BNC2: variants seen among roughly 807,000 people sequenced by gnomAD.
The protein encoded by BNC2 is basonuclin zinc finger protein 2, also known as zinc finger protein basonuclin-2.
BNC2 carries 20 observed loss-of-function variants against 76.3 expected under a neutral mutation model. That is an observed-to-expected ratio of 0.26 (90% confidence interval 0.18 to 0.38). BNC2 has a LOEUF of 0.38. BNC2 is among the 10% of genes least tolerant of loss of function. The probability of loss-of-function intolerance (pLI) is 1.00; values close to 1 mark genes in which losing one functional copy is unlikely to be tolerated. For synonymous variants in BNC2, 582 were observed against 514.8 expected (o/e 1.13, Z -1.77); for missense variants, 1,382 against 1,399.8 (o/e 0.99, Z 0.20).
intron 6 of BNC2, among the ~76,000 whole-genome samples, chr9:16,426,906 T>C (rs1275954140): frequency 6.6e-6 from 1 of 152,172 alleles, no homozygotes; most frequent in Non-Finnish European, 1.5e-5. Flanking sequence ...ACCACTAATC[T>C]TGTGGGATTT....
rs1264806010 is a variant in BNC2 at position 16,464,612 on chromosome 9, C to A, written c.670-27088G>T. The stretch of plus-strand genomic sequence containing the variant: ...AAACATATCTACTTTCCTTTCTTCT[C>A]AGAATATTTTGAAAGAACAGTCTTT... On this transcript the variant is annotated intron_variant, in intron 5 of 6. Transcript: ENST00000380672. Among the ~76,000 whole-genome samples, 5 of 152,174 alleles carry A rather than the reference C, an allele frequency of 3.3e-5. No individual in the cohort carries two copies. In the East Asian group the frequency reaches 7.7e-4, roughly 24 times the overall value.
Position 16,452,070 on chromosome 9 carries a change from T to C in BNC2, c.670-14546A>G, listed in dbSNP as rs149744416. Among the ~76,000 whole-genome samples, 108 of 152,324 alleles carry C rather than the reference T, an allele frequency of 7.1e-4. 1 individual carries two copies. Among genetic ancestry groups the C allele is most frequent in the Non-Finnish European group, 1.4e-3 (94 of 68,032 alleles). On this transcript the variant is annotated intron_variant, in intron 5 of 6. Coordinates refer to ENST00000380672, the MANE Select transcript of BNC2 (RefSeq NM_017637.6). ...TGCTTTTCCTAAAAATGTAAACTAG[T>C]TCCCCAGGACCAATGGTGCAGGGAG...
chr9:16,760,878 T>TA (rs1190766307), intron 1 of BNC2, among the ~76,000 whole-genome samples: 1 of 151,882 alleles, frequency 6.6e-6, no homozygotes, highest in Non-Finnish European at 1.5e-5. Flanking sequence ...AGCATTTCTT[T>TA]AAAAAAAGAA....
intron 1 of BNC2, among the ~76,000 whole-genome samples, chr9:16,836,575 G>A (rs34615158): frequency 0.36 from 53,983 of 150,926 alleles, 10,150 homozygotes; most frequent in Middle Eastern, 0.5. Context: ...ATGTCTCCTT[G>A]ATTCTTATTA....
chr9:16,509,114 C>T (rs894616432), intron 5 of BNC2, among the ~76,000 whole-genome samples: 2 of 152,170 alleles, frequency 1.3e-5, no homozygotes, highest in African/African-American at 4.8e-5. Context: ...CCGTAAGCCA[C>T]CATGTTCAGC....
intron 1 of BNC2, among the ~76,000 whole-genome samples, chr9:16,756,258 G>C (rs10810610): frequency 0.14 from 21,406 of 151,632 alleles, 2,096 homozygotes; most frequent in African/African-American, 0.25. Flanking sequence ...CTCTCTCTTC[G>C]CTGTGGATAA....
intron 5 of BNC2, among the ~76,000 whole-genome samples, chr9:16,443,805 A>C (rs1821177437): frequency 6.6e-6 from 1 of 152,216 alleles, no homozygotes. Flanking sequence ...GATTATGGGA[A>C]CATAAAGTGG....
chr9:16,539,710 GGAA>G (rs1226162438), intron 5 of BNC2, among the ~76,000 whole-genome samples: 1,986 of 132,580 alleles, frequency 0.015, 227 homozygotes, highest in African/African-American at 0.058. Context: ...AAGGGAGGAA[GGAA>G]GGAAGGGGAA....
Position 16,419,045 on chromosome 9 carries a change from G to C in BNC2, c.3244C>G (p.Arg1082Gly). 6.2e-7 allele frequency: 1 copy of C among 1,614,178 alleles called. No homozygotes were observed. Among genetic ancestry groups the C allele is most frequent in the Non-Finnish European group, 8.5e-7 (1 of 1,180,036 alleles). Residue 1082 changes from arginine (R) to glycine (G), a missense_variant, in exon 7 of 7, where the codon CGG (arginine) becomes GGG (glycine). Transcript: ENST00000380672. ...TGGAGATTAGGGTTCTGACTGTGCC[G>C]ATTTCGGCTTCGTACAGAGGAAAAC... ...MMFSSVRSRN[R>G]HSQNPNLHKN...
chr9:16,610,063 C>G (rs1288724295), intron 3 of BNC2, among the ~76,000 whole-genome samples: 1 of 152,030 alleles, frequency 6.6e-6, no homozygotes, highest in East Asian at 1.9e-4. Context: ...ACCATTATTT[C>G]CACAAATTCT....
intron 5 of BNC2, among the ~76,000 whole-genome samples, chr9:16,537,055 A>T (rs1304655631): frequency 6.6e-6 from 1 of 152,136 alleles, no homozygotes; most frequent in African/African-American, 2.4e-5. Flanking sequence ...TATATGGCAT[A>T]TTGTAGAGCT....
At chr9:16,623,467 G>A (rs1820916874) in intron 3 of BNC2, among the ~76,000 whole-genome samples, 1 of 152,168 alleles carries the variant, frequency 6.6e-6, no homozygotes, top group Admixed American at 6.5e-5. Context: ...TGCAAGTGAA[G>A]GAGTAGAACA....
intron 1 of BNC2, among the ~76,000 whole-genome samples, chr9:16,799,366 G>A (rs562646590): frequency 1.3e-4 from 19 of 151,628 alleles, no homozygotes; most frequent in Non-Finnish European, 2.6e-4. Flanking sequence ...CCAAACTGGA[G>A]TGCAGTGGCA....
chr9:16,734,420 CT>C (rs1227285622), intron 2 of BNC2, among the ~76,000 whole-genome samples: 2 of 147,100 alleles, frequency 1.4e-5, no homozygotes, highest in Non-Finnish European at 3.0e-5. Flanking sequence ...CTTGTGTCAT[CT>C]CTGATTGCCA....
Position 16,467,764 on chromosome 9 carries a change from A to G in BNC2, c.670-30240T>C, listed in dbSNP as rs1183694703. Among the ~76,000 whole-genome samples the G allele has an allele frequency of 2.1e-5, 3 of 144,940 alleles. No individual in the cohort carries two copies. The Admixed American group carries it at 2.1e-4, about 10-fold the overall frequency. ...ACGTTAGTGGGTGCAGCGCACCAGC[A>G]TGGCACATGTATACATATGTAACTA... On this transcript the variant is annotated intron_variant, in intron 5 of 6. Coordinates refer to ENST00000380672, the MANE Select transcript of BNC2 (RefSeq NM_017637.6).
intron 1 of BNC2, among the ~76,000 whole-genome samples, chr9:16,869,096 A>G (rs989257654): frequency 6.6e-6 from 1 of 152,218 alleles, no homozygotes; most frequent in Non-Finnish European, 1.5e-5. Flanking sequence ...CGGCTTTTAC[A>G]GTGTTCTTGT....
intron 4 of BNC2, among the ~76,000 whole-genome samples, chr9:16,573,849 A>AT (rs1819405274): frequency 6.6e-6 from 1 of 152,228 alleles, no homozygotes; most frequent in South Asian, 2.1e-4. Flanking sequence ...CCTTTTGAAG[A>AT]TATATAAACA....
chr9:16,591,397 T>C (rs189544883), intron 3 of BNC2, among the ~76,000 whole-genome samples: 4 of 152,280 alleles, frequency 2.6e-5, no homozygotes, highest in African/African-American at 9.6e-5. Flanking sequence ...GTCAGAAAGA[T>C]ACAGAACATG....
intron 5 of BNC2, among the ~76,000 whole-genome samples, chr9:16,517,445 AAAAT>A (rs1477807497): frequency 1.3e-5 from 2 of 152,204 alleles, no homozygotes; most frequent in Non-Finnish European, 2.9e-5. Flanking sequence ...AAAGCTCTAC[AAAAT>A]GTTTTAGCCC....
Sources: allele counts gnomAD v4.1 joint callset (sites outside exome capture counted in the v4.1 genomes callset), GRCh38; gene constraint gnomAD v4.1.1; transcripts MANE v1.5; gene names NCBI Gene and HGNC (gene_info 2026-07-23, HGNC 2026-07-21).